The following MORN1 variants were observed in gnomAD, a reference collection of about 807,000 sequenced individuals.
MORN1 encodes MORN repeat-containing protein 1.
In MORN1, 67 loss-of-function variants were observed where a neutral mutation model predicts 61.9. The observed-to-expected ratio is 1.08, with a 90% CI of 0.89 to 1.33. The LOEUF is 1.33. Among genes scored for constraint, MORN1 ranks in the 40% most tolerant of loss-of-function variants. MORN1 has a pLI of 0.00. For synonymous variants in MORN1, 301 were observed against 292.0 expected, an observed-to-expected ratio of 1.03 and a Z score of -0.31; for missense variants, 752 against 691.2, an observed-to-expected ratio of 1.09 and a Z score of -0.99.
chr1:2,344,024 G>T (rs1641457621), intron 10 of MORN1, among the ~76,000 whole-genome samples: 1 of 152,076 alleles, frequency 6.6e-6, no homozygotes, highest in South Asian at 2.1e-4. Flanking sequence ...ACTTCCCTGG[G>T]ACCTCCTTCC....
chr1:2,351,862 C>T (rs1641655718), intron 10 of MORN1: 2 of 510,282 alleles, frequency 3.9e-6, no homozygotes, highest in Admixed American at 2.3e-5. Flanking sequence ...ACGGTCACGA[C>T]TGCCGTTCCC....
chr1:2,351,698 CT>C, intron 10 of MORN1: 1 of 457,302 alleles, frequency 2.2e-6, no homozygotes, highest in Non-Finnish European at 4.3e-6. Context: ...GCTTCGCATT[CT>C]TTAGTTTCAT....
At chr1:2,369,691 A>G (rs1025994751) in intron 8 of MORN1, among the ~76,000 whole-genome samples, 9 of 151,362 alleles carry the variant, frequency 5.9e-5, no homozygotes, top group Non-Finnish European at 8.8e-5. Context: ...AAAAGAATAA[A>G]CAAATTTATC....
At chr1:2,335,527 C>G (rs1047348351) in intron 12 of MORN1, among the ~76,000 whole-genome samples, 10 of 152,326 alleles carry the variant, frequency 6.6e-5, no homozygotes, top group African/African-American at 2.4e-4. Context: ...ACCCACCTGC[C>G]TTGCCCAAGG....
chr1:2,344,209 C>T (rs575358582), intron 10 of MORN1, among the ~76,000 whole-genome samples: 6 of 152,298 alleles, frequency 3.9e-5, no homozygotes, highest in African/African-American at 1.4e-4. Context: ...CTTAGGGGCC[C>T]TTCTTGCGAG....
At chr1:2,340,317 C>G (rs888514786) in intron 10 of MORN1, among the ~76,000 whole-genome samples, 1 of 152,170 alleles carries the variant, frequency 6.6e-6, no homozygotes, top group Non-Finnish European at 1.5e-5. Flanking sequence ...GGCCAGCAGC[C>G]CCCTCATGCT....
Position 2,337,302 on chromosome 1 carries a change from A to G in MORN1, c.1037-452T>C, listed in dbSNP as rs1641302251. On this transcript the variant is annotated intron_variant, in intron 10 of 13. Coordinates refer to ENST00000378531, the MANE Select transcript of MORN1 (RefSeq NM_024848.3). This position sits in a 1 kb window ranked among gnomAD's most constrained non-coding sequence, Gnocchi z 5.7. ...GGTTCTGCCCCAGCGGCCCATCAAG[A>G]TGGACCTGGCGTCAGGACCCGTTCT... Among the ~76,000 whole-genome samples, 1 of 152,158 alleles carries G rather than the reference A, an allele frequency of 6.6e-6. No homozygotes were observed. The highest frequency in any genetic ancestry group is 2.4e-5 in the African/African-American group (1 of 41,434).
At chr1:2,348,720 G>GGCATGCACACACAC (rs1553212651) in intron 10 of MORN1, among the ~76,000 whole-genome samples, 1 of 124,146 alleles carries the variant, frequency 8.1e-6, no homozygotes, top group Non-Finnish European at 1.7e-5. Flanking sequence ...CACCTGCGCG[G>GGCATGCACACACAC]GCACGCACAC....
Position 2,387,463 on chromosome 1 carries a change from G to A in MORN1, c.314C>T (p.Ala105Val), listed in dbSNP as rs1642531870. 1 of 1,613,700 alleles carries A rather than the reference G, an allele frequency of 6.2e-7. No individual in the cohort carries two copies. The highest frequency in any genetic ancestry group is 2.2e-5 in the East Asian group (1 of 44,874). ...GACCTCCCCTTCATAACATCCGCCG[G>A]CTTTGTACTCCATGACGCCGTAGCC... ...PQGYGVMEYK[A>V]GGCYEGEVSH... Residue 105 changes from alanine to valine, a missense_variant, in exon 4 of 14, where the codon GCC becomes GTC. Transcript: ENST00000378531.
intron 10 of MORN1, among the ~76,000 whole-genome samples, chr1:2,349,993 C>G (rs1243011576): frequency 6.6e-6 from 1 of 152,188 alleles, no homozygotes; most frequent in Non-Finnish European, 1.5e-5. Flanking sequence ...GCGCTGGGGC[C>G]CAGCCGGCCT....
chr1:2,339,773 G>A (rs1478881041), intron 10 of MORN1, among the ~76,000 whole-genome samples: 2 of 152,126 alleles, frequency 1.3e-5, no homozygotes, highest in African/African-American at 4.8e-5. Flanking sequence ...CTCCCTTGCC[G>A]AGGGCCCGGA....
At chr1:2,329,865 C>T (rs991319579) in intron 12 of MORN1, among the ~76,000 whole-genome samples, 5 of 152,238 alleles carry the variant, frequency 3.3e-5, no homozygotes, top group Admixed American at 1.3e-4. Flanking sequence ...TGGCACCAGC[C>T]GTGAGCAGGC....
chr1:2,372,742 C>T lies in MORN1; in HGVS notation c.635-151G>A, dbSNP rs952505420. ...CATGCGGGGGCCGACCCTCCGCAAA[C>T]CACCTTGCAGAGCAGCGACCTGGGC... On this transcript the variant is annotated intron_variant, in intron 7 of 13. Transcript: ENST00000378531. This position sits in a 1 kb window ranked among gnomAD's most constrained non-coding sequence, Gnocchi z 5.4. The T allele has an allele frequency of 3.8e-5, 23 of 599,952 alleles. No individual in the cohort carries two copies. The Admixed American group carries it at 4.0e-4, about 10-fold the overall frequency. The allele number at this position is 599,952 out of a possible 1,614,324, so 37.2% of individuals were successfully genotyped here. A position where few individuals can be genotyped will look rare whatever the true frequency, so the allele number is the denominator to read the frequency against.
intron 2 of MORN1, 148 bp downstream of exon 2, chr1:2,389,777 C>T: frequency 8.3e-6 from 6 of 723,380 alleles, no homozygotes; most frequent in East Asian, 5.3e-5. Flanking sequence ...CCCATCCAGC[C>T]TTACCCTGAG....
chr1:2,387,360 G>A, intron 4 of MORN1, 59 bp downstream of exon 4: 1 of 1,268,046 alleles, frequency 7.9e-7, no homozygotes, highest in African/African-American at 1.5e-5. Flanking sequence ...AGTGGACGTA[G>A]GATTCCATGT....
chr1:2,339,284 G>A (rs1164565206), intron 10 of MORN1, among the ~76,000 whole-genome samples: 1 of 152,174 alleles, frequency 6.6e-6, no homozygotes, highest in Non-Finnish European at 1.5e-5. Flanking sequence ...CCCTCCCTCA[G>A]GCTCTTACCG....
At chr1:2,359,781 G>T (rs1251933332) in intron 8 of MORN1, among the ~76,000 whole-genome samples, 1 of 152,026 alleles carries the variant, frequency 6.6e-6, no homozygotes, top group Non-Finnish European at 1.5e-5. Flanking sequence ...CTCCTTGGAG[G>T]TTGAGGCAGG....
chr1:2,321,791 A>G (rs1182724819), intron 13 of MORN1, among the ~76,000 whole-genome samples: 1 of 152,034 alleles, frequency 6.6e-6, no homozygotes, highest in Non-Finnish European at 1.5e-5. Context: ...GCATAGGTGA[A>G]TAAACTAATT....
chr1:2,330,806 T>G (rs1416718158), intron 12 of MORN1, among the ~76,000 whole-genome samples: 1 of 152,114 alleles, frequency 6.6e-6, no homozygotes, highest in East Asian at 1.9e-4. Flanking sequence ...TTTCCTATCA[T>G]GAAGCATGGA....
Sources: allele counts gnomAD v4.1 joint callset (sites outside exome capture counted in the v4.1 genomes callset), GRCh38; gene constraint gnomAD v4.1.1; non-coding constraint Gnocchi (gnomAD v3.1); transcripts MANE v1.5; gene names NCBI Gene and HGNC (gene_info 2026-07-23, HGNC 2026-07-21).